Variants in FRMD4A observed in about 807,000 individuals in gnomAD.
The protein encoded by FRMD4A is FERM domain-containing protein 4A.
A neutral mutation model predicts 129.1 loss-of-function variants in FRMD4A; 29 were observed. The ratio of observed to expected loss-of-function variants is 0.22; its 90% CI spans 0.17 to 0.31. FRMD4A has a LOEUF of 0.31. Among genes scored for constraint, FRMD4A ranks in the 10% least tolerant of loss-of-function variants. The probability of loss-of-function intolerance (pLI) is 1.00; values close to 1 mark genes in which losing one functional copy is unlikely to be tolerated. For synonymous variants in FRMD4A, 634 were observed against 571.6 expected (o/e 1.11, Z -1.56); for missense variants, 1,272 against 1,375.8 (o/e 0.92, Z 1.19).
intron 2 of FRMD4A, among the ~76,000 whole-genome samples, chr10:14,319,529 A>C (rs1846893693): frequency 6.6e-6 from 1 of 152,210 alleles, no homozygotes; most frequent in African/African-American, 2.4e-5. Flanking sequence ...TTAATAGCAA[A>C]AATCACCAAG....
At chr10:14,120,703 T>A (rs1037220861) in intron 2 of FRMD4A, among the ~76,000 whole-genome samples, 10 of 152,308 alleles carry the variant, frequency 6.6e-5, no homozygotes, top group South Asian at 4.1e-4. Flanking sequence ...ACTTCTAGTT[T>A]TTTGGGGAGC....
chr10:13,907,464 T>C (rs2094893971), intron 2 of FRMD4A, among the ~76,000 whole-genome samples: 1 of 152,146 alleles, frequency 6.6e-6, no homozygotes, highest in Non-Finnish European at 1.5e-5. Context: ...AATGTTCAGT[T>C]CAAAGGGAAA....
intron 2 of FRMD4A, among the ~76,000 whole-genome samples, chr10:14,099,908 A>C (rs938637375): frequency 2.6e-5 from 4 of 152,090 alleles, no homozygotes; most frequent in Admixed American, 6.5e-5. Context: ...GCCTAGTTTG[A>C]CCCAAGGCAA....
In FRMD4A at chr10:14,198,115, G is replaced by A. The variant is rs974374239; in HGVS notation, c.45+131943C>T. Among the ~76,000 whole-genome samples, 12 of 152,176 alleles carry A rather than the reference G, an allele frequency of 7.9e-5. No individual in the cohort carries two copies. The East Asian group carries it at 1.7e-3, about 22-fold the overall frequency. ...GACCTTCAAACTACTCTCCCAGAGCGTATTAGCTGAGATGGTGGCACGAAT... is the reference window on the plus strand; with the variant it reads ...GACCTTCAAACTACTCTCCCAGAGCATATTAGCTGAGATGGTGGCACGAAT... On this transcript the variant is annotated intron_variant, in intron 2 of 24. Coordinates refer to ENST00000357447, the MANE Select transcript of FRMD4A (RefSeq NM_018027.5).
chr10:13,983,289 G>C (rs1022654187), intron 2 of FRMD4A, among the ~76,000 whole-genome samples: 1 of 152,110 alleles, frequency 6.6e-6, no homozygotes, highest in African/African-American at 2.4e-5. Flanking sequence ...TTGCAATAAA[G>C]CAAAGTTCAT....
intron 8 of FRMD4A, among the ~76,000 whole-genome samples, chr10:13,757,215 T>C (rs2130681285): frequency 6.6e-6 from 1 of 152,380 alleles, no homozygotes; most frequent in Non-Finnish European, 1.5e-5. Context: ...GCTACTGAAT[T>C]GTTTTTAAAG....
chr10:13,822,680 T>A (rs562297312), intron 3 of FRMD4A, among the ~76,000 whole-genome samples: 1 of 152,274 alleles, frequency 6.6e-6, no homozygotes, highest in South Asian at 2.1e-4. Flanking sequence ...GCATGCTCAC[T>A]GATGCCAGAG....
chr10:13,898,779 G>C (rs1333331274), intron 2 of FRMD4A, among the ~76,000 whole-genome samples: 1 of 152,236 alleles, frequency 6.6e-6, no homozygotes, highest in Non-Finnish European at 1.5e-5. Context: ...AGGACCTGAA[G>C]CTGGGTTGTG....
chr10:14,082,564 T>C (rs1040652655), intron 2 of FRMD4A, among the ~76,000 whole-genome samples: 1 of 152,142 alleles, frequency 6.6e-6, no homozygotes, highest in Non-Finnish European at 1.5e-5. Context: ...TAGTTCTGCA[T>C]TTCATTGCAA....
At chr10:14,276,999 A>C (rs189378102) in intron 2 of FRMD4A, among the ~76,000 whole-genome samples, 6 of 152,258 alleles carry the variant, frequency 3.9e-5, no homozygotes, top group African/African-American at 1.4e-4. Flanking sequence ...CAAGTAGCTG[A>C]GATTACAGGT....
chr10:13,908,164 TAAAAA>T (rs58370207), intron 2 of FRMD4A, among the ~76,000 whole-genome samples: 1 of 41,118 alleles, frequency 2.4e-5, no homozygotes. Flanking sequence ...AAACTCCATC[TAAAAA>T]AAAAAAAAAA....
intron 2 of FRMD4A, among the ~76,000 whole-genome samples, chr10:14,301,474 T>G (rs901362355): frequency 6.6e-6 from 1 of 152,224 alleles, no homozygotes; most frequent in Non-Finnish European, 1.5e-5. Flanking sequence ...GTGAGACAGA[T>G]GCCTCTATTT....
chr10:14,211,291 A>G lies in FRMD4A; in HGVS notation c.45+118767T>C, dbSNP rs1199176237. ...GTGGCAGGTACTGTCATAATCCCCA[A>G]TGAACAGGTAGGAGAAAACCAAAGC... On this transcript the variant is annotated intron_variant, in intron 2 of 24. Coordinates refer to ENST00000357447, the MANE Select transcript of FRMD4A (RefSeq NM_018027.5). Among the ~76,000 whole-genome samples the G allele has an allele frequency of 3.3e-5, 5 of 152,290 alleles. No individual in the cohort carries two copies. In the East Asian group the frequency reaches 9.6e-4, roughly 29 times the overall value.
At chr10:13,909,294 AG>A (rs2094915791) in intron 2 of FRMD4A, among the ~76,000 whole-genome samples, 1 of 152,246 alleles carries the variant, frequency 6.6e-6, no homozygotes, top group South Asian at 2.1e-4. Context: ...GATTTTCTCT[AG>A]GATAAACATT....
chr10:13,830,363 G>A (rs1330348223), intron 3 of FRMD4A, among the ~76,000 whole-genome samples: 2 of 152,176 alleles, frequency 1.3e-5, no homozygotes, highest in Admixed American at 6.5e-5. Context: ...TCAAGGAATT[G>A]GGAAGGCGAC....
chr10:13,914,835 G>A (rs1200041383), intron 2 of FRMD4A, among the ~76,000 whole-genome samples: 1 of 152,160 alleles, frequency 6.6e-6, no homozygotes, highest in African/African-American at 2.4e-5. Context: ...GGGCAACAGA[G>A]TGAGACCCCA....
In FRMD4A at chr10:13,654,430, T is replaced by C. The variant is rs771960572; in HGVS notation, c.3036A>G (p.Leu1012=). 1 of 1,608,084 alleles carries C rather than the reference T, an allele frequency of 6.2e-7. No individual in the cohort carries two copies. The highest frequency in any genetic ancestry group is 8.5e-7 in the Non-Finnish European group (1 of 1,174,464). ...GGAGAACTCACCCAGTCTGCCAGGTTAGGATGTGGTGGGGGCTGCTTGGGG... is the reference window on the plus strand; with the variant it reads ...GGAGAACTCACCCAGTCTGCCAGGTCAGGATGTGGTGGGGGCTGCTTGGGG... ...ATPPSSPHHI[L]TWQTGEATEN... is the part of the protein sequence containing the mutation. The change falls in exon 23 of 25, where the codon CTA becomes CTG. Residue 1012 remains leucine, a synonymous_variant. Coordinates refer to ENST00000357447, the MANE Select transcript of FRMD4A (RefSeq NM_018027.5).
At chr10:14,305,142 T>C (rs1846307426) in intron 2 of FRMD4A, among the ~76,000 whole-genome samples, 3 of 152,208 alleles carry the variant, frequency 2.0e-5, no homozygotes, top group Admixed American at 2.0e-4. Flanking sequence ...ATTACCAGCA[T>C]GTGTCCAGTC....
intron 2 of FRMD4A, among the ~76,000 whole-genome samples, chr10:14,062,250 G>C (rs1010256315): frequency 6.6e-6 from 1 of 152,178 alleles, no homozygotes; most frequent in Admixed American, 6.5e-5. Context: ...ATGTTTATTT[G>C]AGGTCTATCG....
Sources: allele counts gnomAD v4.1 joint callset (sites outside exome capture counted in the v4.1 genomes callset), GRCh38; gene constraint gnomAD v4.1.1; transcripts MANE v1.5; gene names NCBI Gene and HGNC (gene_info 2026-07-23, HGNC 2026-07-21).